THSD7A: variants seen among roughly 807,000 people sequenced by gnomAD.
THSD7A encodes the protein thrombospondin type 1 domain containing 7A.
THSD7A carries 96 observed loss-of-function variants against 231.3 expected under a neutral mutation model. The ratio of observed to expected loss-of-function variants is 0.41; its 90% confidence interval spans 0.35 to 0.49. THSD7A has a LOEUF of 0.49. THSD7A is among the 20% of genes least tolerant of loss of function. THSD7A has a pLI of 0.05. For missense variants in THSD7A, 2,290 were observed against 2,070.2 expected, an observed-to-expected ratio of 1.11 and a Z score of -2.06; for synonymous variants, 940 against 743.3, an observed-to-expected ratio of 1.26 and a Z score of -4.30.
At chr7:11,451,692 G>C (rs750546319) in intron 11 of THSD7A, among the ~76,000 whole-genome samples, 2 of 151,674 alleles carry the variant, frequency 1.3e-5, no homozygotes, top group Admixed American at 6.6e-5. Flanking sequence ...GGACTAAAAG[G>C]GAATAGATAA....
intron 1 of THSD7A, among the ~76,000 whole-genome samples, chr7:11,734,003 G>T (rs1442086375): frequency 6.6e-6 from 1 of 151,560 alleles, no homozygotes; most frequent in South Asian, 2.1e-4. Context: ...ATTTCTAGGG[G>T]CTCTATTCTT....
At chr7:11,459,735 G>GT (rs1403160884) in intron 11 of THSD7A, among the ~76,000 whole-genome samples, 3 of 45,362 alleles carry the variant, frequency 6.6e-5, no homozygotes, top group East Asian at 1.6e-3. Context: ...TAAAAAGGCA[G>GT]TTTTTTTTCA....
chr7:11,596,768 A>G (rs1780375952), intron 2 of THSD7A, among the ~76,000 whole-genome samples: 1 of 152,226 alleles, frequency 6.6e-6, no homozygotes, highest in Non-Finnish European at 1.5e-5. Context: ...CAGATTAATC[A>G]AGTGGCAACT....
intron 7 of THSD7A, among the ~76,000 whole-genome samples, chr7:11,477,701 C>T (rs1786250462): frequency 6.6e-6 from 1 of 152,110 alleles, no homozygotes; most frequent in African/African-American, 2.4e-5. Flanking sequence ...ACAAGATCCT[C>T]CTGGCCCATC....
At chr7:11,600,183 G>T (rs1019434917) in intron 2 of THSD7A, among the ~76,000 whole-genome samples, 1 of 151,774 alleles carries the variant, frequency 6.6e-6, no homozygotes, top group Non-Finnish European at 1.5e-5. Flanking sequence ...ACACCATATT[G>T]TTTAGAATAG....
intron 1 of THSD7A, among the ~76,000 whole-genome samples, chr7:11,765,253 T>C (rs1782995832): frequency 6.6e-6 from 1 of 152,212 alleles, no homozygotes; most frequent in Non-Finnish European, 1.5e-5. Flanking sequence ...TGCTCATACA[T>C]ACATGAACTT....
chr7:11,775,414 C>T (rs1221101011), intron 1 of THSD7A, among the ~76,000 whole-genome samples: 1 of 152,138 alleles, frequency 6.6e-6, no homozygotes, highest in African/African-American at 2.4e-5. Context: ...CAACATTATT[C>T]ACAATAGTCC....
At chr7:11,759,681 T>G (rs1304203318) in intron 1 of THSD7A, among the ~76,000 whole-genome samples, 1 of 151,964 alleles carries the variant, frequency 6.6e-6, no homozygotes, top group Non-Finnish European at 1.5e-5. Flanking sequence ...TAATCACACC[T>G]AGAGAGCAGA....
intron 1 of THSD7A, among the ~76,000 whole-genome samples, chr7:11,747,649 T>C (rs2128163551): frequency 6.6e-6 from 1 of 151,996 alleles, no homozygotes; most frequent in African/African-American, 2.4e-5. Flanking sequence ...CTATCTAGCA[T>C]GGATAGAAAG....
At chr7:11,727,969 T>C (rs1781603624) in intron 1 of THSD7A, among the ~76,000 whole-genome samples, 1 of 151,978 alleles carries the variant, frequency 6.6e-6, no homozygotes, top group Non-Finnish European at 1.5e-5. Context: ...GTCTTCAAAC[T>C]GAAAGCAAGC....
At chr7:11,408,574 T>G (rs1783669640) in intron 19 of THSD7A, among the ~76,000 whole-genome samples, 1 of 152,118 alleles carries the variant, frequency 6.6e-6, no homozygotes, top group South Asian at 2.1e-4. Context: ...AATATAAGTT[T>G]TTAAAACTAG....
chr7:11,781,010 A>C, intron 1 of THSD7A, among the ~76,000 whole-genome samples: 2 of 96,954 alleles, frequency 2.1e-5, no homozygotes, highest in African/African-American at 9.2e-5. Context: ...AAAAAAAAAA[A>C]AAAAAAAAAA....
At position 11,593,377 on chromosome 7, in the gene THSD7A, G is replaced by A. The variant is rs752211500; in HGVS notation, c.1148C>T (p.Ala383Val). Reference protein sequence around the residue: ...SKTCHDMVSPAGTRVRTRTIR... With the variant: ...SKTCHDMVSPVGTRVRTRTIR... ...GGTTCGTGTCCTTACACGAGTGCCTGCAGGGGACACCATGTCATGGCATGT... is the reference window on the plus strand; with the variant it reads ...GGTTCGTGTCCTTACACGAGTGCCTACAGGGGACACCATGTCATGGCATGT... The change falls in exon 3 of 28, where the codon GCA (alanine) becomes GTA (valine). Residue 383 changes from alanine (A) to valine (V), a missense_variant. Coordinates refer to ENST00000423059, the MANE Select transcript of THSD7A (RefSeq NM_015204.3). The A allele has an allele frequency of 1.2e-6, 2 of 1,613,916 alleles. No homozygotes were observed. Among genetic ancestry groups the A allele is most frequent in the East Asian group, 2.2e-5 (1 of 44,888 alleles).
chr7:11,750,974 A>G (rs1022188666), intron 1 of THSD7A, among the ~76,000 whole-genome samples: 1 of 151,982 alleles, frequency 6.6e-6, no homozygotes, highest in Non-Finnish European at 1.5e-5. Context: ...CCTCCTGTCC[A>G]AGAAGTATCA....
chr7:11,635,993 A>G (rs1257462930), intron 2 of THSD7A, 137 bp downstream of exon 2: 6 of 715,360 alleles, frequency 8.4e-6, no homozygotes, highest in Middle Eastern at 2.5e-4. Flanking sequence ...CAAGCTCAGA[A>G]GCCTTAAATT....
chr7:11,793,941 TTGAG>T (rs1456975185), intron 1 of THSD7A, among the ~76,000 whole-genome samples: 2 of 151,816 alleles, frequency 1.3e-5, no homozygotes, highest in Non-Finnish European at 2.9e-5. Context: ...AATCAAATAA[TTGAG>T]TGTCAAATGA....
At chr7:11,738,251 T>C (rs1353169644) in intron 1 of THSD7A, among the ~76,000 whole-genome samples, 2 of 152,032 alleles carry the variant, frequency 1.3e-5, no homozygotes, top group Non-Finnish European at 2.9e-5. Context: ...AAATCTAAAA[T>C]GCTCCAGTCA....
intron 4 of THSD7A, among the ~76,000 whole-genome samples, chr7:11,588,372 CT>C (rs1405005673): frequency 6.6e-6 from 1 of 152,092 alleles, no homozygotes; most frequent in Non-Finnish European, 1.5e-5. Context: ...TTTGCAAAGA[CT>C]TTAAGAAGTT....
chr7:11,831,788 C>T lies in THSD7A; in HGVS notation c.159G>A (p.Ala53=), dbSNP rs777997958. The change falls in exon 1 of 28, where the codon GCG becomes GCA. Residue 53 remains alanine, a synonymous_variant. Transcript: ENST00000423059. The surrounding 1 kb of genome is among the most constrained non-coding windows in gnomAD (Gnocchi z 5.0). ...TCCACAGATAGAGGGTGGGCGCCTCCGCCTCGCCCTGCGCCGCAGCCCTGC... is the reference window on the plus strand; with the variant it reads ...TCCACAGATAGAGGGTGGGCGCCTCTGCCTCGCCCTGCGCCGCAGCCCTGC... ...GAGRAAAQGE[A]EAPTLYLWKT... The T allele has an allele frequency of 4.1e-6, 6 of 1,477,292 alleles. No individual in the cohort carries two copies. The East Asian group carries it at 8.2e-5, about 20-fold the overall frequency. 91.5% of individuals were successfully genotyped at this position (1,477,292 alleles called of 1,614,324 possible). A position where few individuals can be genotyped will look rare whatever the true frequency, so the allele number is the denominator to read the frequency against.
Sources: gnomAD v4.1 joint callset for allele counts (sites outside exome capture counted in the v4.1 genomes callset) on GRCh38, gnomAD v4.1.1 for gene constraint, Gnocchi (gnomAD v3.1) non-coding constraint, MANE v1.5 for transcripts, NCBI Gene and HGNC (gene_info 2026-07-23, HGNC 2026-07-21) for gene names.